The following PMM1 variants were observed in gnomAD, a reference collection of about 807,000 sequenced individuals.
The protein encoded by PMM1 is brain glucose-1,6-bisphosphatase.
In PMM1, 25 loss-of-function variants were observed where a neutral mutation model predicts 34.0. The ratio of observed to expected loss-of-function variants is 0.73; its 90% CI spans 0.54 to 1.03. The LOEUF is 1.03. Among genes scored for constraint, PMM1 ranks in the 50% least tolerant of loss-of-function variants. The pLI is 0.00. For missense variants in PMM1, 321 were observed against 350.1 expected (o/e 0.92, Z 0.66); for synonymous variants, 134 against 143.9 (o/e 0.93, Z 0.49).
At chr22:41,583,406 C>T (rs933825966) in intron 5 of PMM1, among the ~76,000 whole-genome samples, 9 of 152,096 alleles carry the variant, frequency 5.9e-5, no homozygotes, top group South Asian at 4.1e-4. Context: ...CGCTTGAACA[C>T]GGGAGGTGGG....
intron 1 of PMM1, 125 bp from the exon 2 acceptor site, chr22:41,586,318 G>A (rs937771957): frequency 1.1e-5 from 16 of 1,516,160 alleles, no homozygotes; most frequent in Non-Finnish European, 1.3e-5. Context: ...GCAGTACAAA[G>A]CTTAGACACC....
In PMM1 at chr22:41,589,135, T is replaced by A. The variant is rs184989276; in HGVS notation, c.87+584A>T. The A allele has an allele frequency of 3.5e-3, 4,549 of 1,303,870 alleles. 14 individuals are homozygous for A. The highest frequency in any genetic ancestry group is 4.3e-3 in the Non-Finnish European group (4,249 of 988,762). 80.8% of individuals were successfully genotyped at this position (1,303,870 alleles called of 1,614,324 possible). A position where few individuals can be genotyped will look rare whatever the true frequency, so the allele number is the denominator to read the frequency against. Reference sequence around the variant, plus strand: ...CGGGTGGGTAGAGCTCATAAACGAATTTGAAAAGAAGCCCTCTCTGCTCCA... The same window carrying A: ...CGGGTGGGTAGAGCTCATAAACGAAATTGAAAAGAAGCCCTCTCTGCTCCA... On this transcript the variant is annotated intron_variant, in intron 1 of 7. Transcript: ENST00000216259.
chr22:41,579,076 C>T (rs2067210028), intron 5 of PMM1, 195 bp from the exon 6 acceptor site: 1 of 564,518 alleles, frequency 1.8e-6, no homozygotes, highest in East Asian at 3.1e-5. Context: ...AGAGCCAGGG[C>T]CTAAATCCAG....
chr22:41,586,368 A>G, intron 1 of PMM1, 175 bp from the exon 2 acceptor site: 6 of 1,204,286 alleles, frequency 5.0e-6, no homozygotes, highest in African/African-American at 1.6e-5. Context: ...CAGGTCTGCA[A>G]TCCCAACACT....
intron 5 of PMM1, among the ~76,000 whole-genome samples, chr22:41,581,283 TACTG>T (rs2067244570): frequency 6.6e-6 from 1 of 150,658 alleles, no homozygotes; most frequent in Non-Finnish European, 1.5e-5. Flanking sequence ...GAGATCATGC[TACTG>T]CACTCCAGCC....
At chr22:41,583,162 G>A (rs1480969061) in intron 5 of PMM1, among the ~76,000 whole-genome samples, 1 of 151,950 alleles carries the variant, frequency 6.6e-6, no homozygotes, top group Non-Finnish European at 1.5e-5. Context: ...GGGGCTGGGG[G>A]GTGAATGCGG....
intron 1 of PMM1, chr22:41,588,977 C>A (rs1363033336): frequency 1.8e-6 from 2 of 1,136,868 alleles, no homozygotes; most frequent in Admixed American, 2.4e-5. Flanking sequence ...ACAATGAGAC[C>A]CAATGGGAGA....
At chr22:41,577,591 G>A in intron 7 of PMM1, 151 bp from the exon 8 acceptor site, 1 of 962,818 alleles carries the variant, frequency 1.0e-6, no homozygotes, top group Admixed American at 2.2e-5. Context: ...CTTGCTGTGT[G>A]ATGTAGAACA....
At chr22:41,581,058 C>T (rs537747471) in intron 5 of PMM1, among the ~76,000 whole-genome samples, 20 of 138,936 alleles carry the variant, frequency 1.4e-4, no homozygotes, top group African/African-American at 4.5e-4. Flanking sequence ...GAGGTTGCAG[C>T]GAGCCGAGAT....
chr22:41,586,706 G>A (rs1252651705), intron 1 of PMM1, among the ~76,000 whole-genome samples: 9 of 151,544 alleles, frequency 5.9e-5, no homozygotes, highest in Non-Finnish European at 8.9e-5. Flanking sequence ...ACAGGGTTTC[G>A]CCATGTTGGC....
At chr22:41,588,941 G>T in intron 1 of PMM1, 1 of 1,149,388 alleles carries the variant, frequency 8.7e-7, no homozygotes, top group Non-Finnish European at 1.1e-6. Flanking sequence ...CATCCAGCTG[G>T]TGAGGGGGCT....
intron 5 of PMM1, among the ~76,000 whole-genome samples, chr22:41,581,223 C>G (rs750416900): frequency 3.3e-5 from 5 of 151,692 alleles, no homozygotes; most frequent in Non-Finnish European, 5.9e-5. Context: ...ACTCAGGAGG[C>G]TGAGGCAGGA....
intron 1 of PMM1, among the ~76,000 whole-genome samples, chr22:41,587,554 G>C (rs1248387364): frequency 2.6e-5 from 4 of 151,926 alleles, no homozygotes; most frequent in African/African-American, 9.7e-5. Flanking sequence ...CCAGGAGTTC[G>C]AGGCTGCAGT....
rs369208863 is a variant in PMM1 at position 41,577,431 on chromosome 22, C to T, written c.676G>A (p.Asp226Asn). The T allele has an allele frequency of 7.4e-6, 12 of 1,611,060 alleles. No individual in the cohort carries two copies. The highest frequency in any genetic ancestry group is 6.7e-5 in the African/African-American group (5 of 74,906). Residue 226 changes from aspartate to asparagine, a missense_variant, in exon 8 of 8, where the codon GAC becomes AAC. Transcript: ENST00000216259. ...CGGGGGTCGGCAAAGATCTCAAAGTCGTTCCCACCCTGCACACAGAGGATG... is the reference window on the plus strand; with the variant it reads ...CGGGGGTCGGCAAAGATCTCAAAGTTGTTCCCACCCTGCACACAGAGGATG... ...FGNETSPGGN[D>N]FEIFADPRTV...
Position 41,586,075 on chromosome 22 carries a change from C to T in PMM1, c.205+1G>A. ...CCCTCTACCCCCAGCCTCACTCCTA[C>T]CTTCATCCCCGTCACCCAGCTGCTC... is the stretch of plus-strand genomic sequence containing the variant. On this transcript the variant is annotated splice_donor_variant, in intron 2 of 7. Coordinates refer to ENST00000216259, the MANE Select transcript of PMM1 (RefSeq NM_002676.3). LOFTEE classifies it high-confidence loss of function. 1.9e-6 allele frequency: 3 copies of T among 1,606,390 alleles called. No individual in the cohort carries two copies. Among genetic ancestry groups the T allele is most frequent in the Non-Finnish European group, 2.6e-6 (3 of 1,176,428 alleles).
rs12160342 is a variant in PMM1 at position 41,589,045 on chromosome 22, C to T, written c.87+674G>A. On this transcript the variant is annotated intron_variant, in intron 1 of 7. Transcript: ENST00000216259. Reference sequence around the variant, plus strand: ...CGAGAGTCTTTAGAAGAAAACTAGACTCTTACCCTCACTATTCCTCAGTGT... The same window carrying T: ...CGAGAGTCTTTAGAAGAAAACTAGATTCTTACCCTCACTATTCCTCAGTGT... The T allele has an allele frequency of 5.0e-5, 64 of 1,287,386 alleles. 1 individual carries two copies. The African/African-American group carries it at 9.0e-4, about 18-fold the overall frequency. The allele number at this position is 1,287,386 out of a possible 1,614,324, so 79.7% of individuals were successfully genotyped here.
chr22:41,579,411 C>A, intron 5 of PMM1: 1 of 154,542 alleles, frequency 6.5e-6, no homozygotes. Flanking sequence ...CCGGCCCCGT[C>A]CCTCTGAGCA....
Position 41,580,569 on chromosome 22 carries a change from CA to C in PMM1, c.475-1689del, listed in dbSNP as rs1569053947. ...TTAGTAAAGATGCTTTTCCAGGTTACAAGGCAAATGGGTAGAGCTGGGACTG... is the reference window on the plus strand; with the variant it reads ...TTAGTAAAGATGCTTTTCCAGGTTACAGGCAAATGGGTAGAGCTGGGACTG... On this transcript the variant is annotated intron_variant, in intron 5 of 7. Transcript: ENST00000216259. 2.6e-5 allele frequency: 4 copies of C among 152,276 alleles called. No individual in the cohort carries two copies. The East Asian group carries it at 7.7e-4, about 29-fold the overall frequency. The allele number at this position is 152,276 out of a possible 1,614,324, so 9.4% of individuals were successfully genotyped here.
chr22:41,587,957 C>A (rs2067331119), intron 1 of PMM1, among the ~76,000 whole-genome samples: 1 of 152,212 alleles, frequency 6.6e-6, no homozygotes, highest in Non-Finnish European at 1.5e-5. Flanking sequence ...ATAGGCTGTT[C>A]TTATTCAGGT....
Sources: gnomAD v4.1 joint callset for allele counts (sites outside exome capture counted in the v4.1 genomes callset) on GRCh38, gnomAD v4.1.1 for gene constraint, MANE v1.5 for transcripts, NCBI Gene and HGNC (gene_info 2026-07-23, HGNC 2026-07-21) for gene names.